FAT3: variants seen among roughly 807,000 people sequenced by gnomAD.
The protein encoded by FAT3 is protocadherin Fat 3.
FAT3 carries 95 observed loss-of-function variants against 310.2 expected under a neutral mutation model. That is an observed-to-expected ratio of 0.31 (90% CI 0.26 to 0.36). FAT3 has a LOEUF of 0.36. FAT3 is among the 10% of genes least tolerant of loss of function. The pLI is 1.00. For synonymous variants in FAT3, 2,314 were observed against 2,192.9 expected, an observed-to-expected ratio of 1.06 and a Z score of -1.54; for missense variants, 5,408 against 5,715.6, an observed-to-expected ratio of 0.95 and a Z score of 1.74.
At chr11:92,782,957 G>A (rs543901263) in intron 7 of FAT3, among the ~76,000 whole-genome samples, 1 of 152,258 alleles carries the variant, frequency 6.6e-6, no homozygotes, top group South Asian at 2.1e-4. Flanking sequence ...AATCACTTTT[G>A]CCAAAGCTGC....
chr11:92,595,912 A>G (rs1290861826), intron 3 of FAT3, among the ~76,000 whole-genome samples: 17 of 152,166 alleles, frequency 1.1e-4, no homozygotes, highest in Admixed American at 1.1e-3. Flanking sequence ...GGTTCCTGGG[A>G]CAGAAAGGGT....
intron 13 of FAT3, among the ~76,000 whole-genome samples, chr11:92,823,932 A>G (rs1438477225): frequency 6.6e-6 from 1 of 152,222 alleles, no homozygotes; most frequent in Admixed American, 6.5e-5. Flanking sequence ...ATCCACAGGC[A>G]TATTTCAAAC....
chr11:92,852,728 T>C (rs1203528869), intron 19 of FAT3, among the ~76,000 whole-genome samples: 2 of 152,202 alleles, frequency 1.3e-5, no homozygotes, highest in Non-Finnish European at 2.9e-5. Context: ...TATATTTGAG[T>C]ATTTTTTTAC....
intron 2 of FAT3, among the ~76,000 whole-genome samples, chr11:92,524,125 A>G (rs574678452): frequency 3.9e-5 from 6 of 152,200 alleles, no homozygotes; most frequent in Non-Finnish European, 8.8e-5. Context: ...TTTCCACTCT[A>G]ACAGGCAAAA....
At chr11:92,636,630 C>G (rs1002482848) in intron 3 of FAT3, among the ~76,000 whole-genome samples, 7 of 152,208 alleles carry the variant, frequency 4.6e-5, no homozygotes, top group Non-Finnish European at 7.3e-5. Context: ...AAAGTAAAGT[C>G]AGCAAGATTC....
chr11:92,666,517 A>ATT (rs538189157), intron 3 of FAT3, among the ~76,000 whole-genome samples: 42 of 132,494 alleles, frequency 3.2e-4, no homozygotes, highest in African/African-American at 1.0e-3. Context: ...ACGCCCAGCT[A>ATT]TTTTTTTTTT....
intron 22 of FAT3, among the ~76,000 whole-genome samples, chr11:92,871,693 G>A (rs1949397853): frequency 6.6e-6 from 1 of 152,090 alleles, no homozygotes; most frequent in Non-Finnish European, 1.5e-5. Context: ...GCACATTTCT[G>A]AACTTTCCTA....
chr11:92,589,581 T>C (rs1423497578), intron 3 of FAT3, among the ~76,000 whole-genome samples: 1 of 152,108 alleles, frequency 6.6e-6, no homozygotes, highest in Admixed American at 6.6e-5. Context: ...TACTTAAGCC[T>C]GAGTTTGTTC....
intron 1 of FAT3, among the ~76,000 whole-genome samples, chr11:92,278,109 C>T (rs934957900): frequency 2.0e-5 from 3 of 152,094 alleles, no homozygotes; most frequent in African/African-American, 7.2e-5. Context: ...TTCTAACCCA[C>T]AGAAATTCCT....
intron 4 of FAT3, among the ~76,000 whole-genome samples, chr11:92,700,245 A>G (rs1242591803): frequency 6.6e-6 from 1 of 152,166 alleles, no homozygotes; most frequent in Non-Finnish European, 1.5e-5. Flanking sequence ...AATCAAGACC[A>G]CTGTGATGAA....
chr11:92,449,151 A>G (rs537558187), intron 2 of FAT3, among the ~76,000 whole-genome samples: 3 of 152,312 alleles, frequency 2.0e-5, no homozygotes, highest in East Asian at 3.9e-4. Context: ...AGCAATGCCA[A>G]TAAAAAAGCA....
chr11:92,695,043 C>T (rs961660122), intron 3 of FAT3, among the ~76,000 whole-genome samples: 3 of 152,146 alleles, frequency 2.0e-5, no homozygotes, highest in Non-Finnish European at 4.4e-5. Context: ...TATTCCTCTC[C>T]TCACTTCCCC....
At chr11:92,801,983 TA>T in intron 10 of FAT3, 74 bp downstream of exon 10, 1 of 1,404,860 alleles carries the variant, frequency 7.1e-7, no homozygotes, top group African/African-American at 1.4e-5. Flanking sequence ...GGGAGAAGAG[TA>T]AGAGAGAAGG....
At chr11:92,615,876 T>C (rs1055594058) in intron 3 of FAT3, among the ~76,000 whole-genome samples, 2 of 152,244 alleles carry the variant, frequency 1.3e-5, no homozygotes, top group African/African-American at 4.8e-5. Flanking sequence ...TTACATTTGC[T>C]GAGGAGTGCT....
At chr11:92,738,534 A>T (rs189804691) in intron 4 of FAT3, among the ~76,000 whole-genome samples, 81 of 152,328 alleles carry the variant, frequency 5.3e-4, no homozygotes, top group African/African-American at 1.8e-3. Flanking sequence ...TCTCTCCCAC[A>T]GTGCTTTTAC....
At chr11:92,254,512 C>A (rs909785616) in intron 1 of FAT3, among the ~76,000 whole-genome samples, 2 of 152,056 alleles carry the variant, frequency 1.3e-5, no homozygotes, top group African/African-American at 4.8e-5. Flanking sequence ...AAAATTAGGA[C>A]ATTTTTATAT....
At position 92,801,400 on chromosome 11, in the gene FAT3, T is replaced by C; in HGVS notation, c.8387T>C (p.Phe2796Ser). The change falls in exon 10 of 28, where the codon TTT (phenylalanine) becomes TCT (serine). Residue 2796 changes from phenylalanine (F) to serine (S), a missense_variant. Physicochemically the swap from Phe to Ser is radical, Grantham distance 155. Around this residue, in one of 5 missense-constraint regions of FAT3, gnomAD observed 4,588 missense variants for 4,809.8 expected, o/e 0.95. Transcript: ENST00000525166. The stretch of plus-strand genomic sequence containing the variant: ...CCCCTGGACAAAGTAGACATTGTGT[T>C]TACTGTGGATGTAGATATCAAGGTA... Reference protein sequence around the residue: ...TIPLDKVDIVFTVDVDIKVLD... With the variant: ...TIPLDKVDIVSTVDVDIKVLD... 8 of 1,613,922 alleles carry C rather than the reference T, an allele frequency of 5.0e-6. No homozygotes were observed. Among genetic ancestry groups the C allele is most frequent in the Non-Finnish European group, 6.8e-6 (8 of 1,179,850 alleles).
intron 1 of FAT3, among the ~76,000 whole-genome samples, chr11:92,337,275 T>A (rs1437180366): frequency 6.6e-6 from 1 of 152,210 alleles, no homozygotes; most frequent in Non-Finnish European, 1.5e-5. Flanking sequence ...TGCCCGAATT[T>A]CTGGTTCAGG....
chr11:92,800,273 T>C lies in FAT3; in HGVS notation c.7260T>C (p.Asp2420=), dbSNP rs1418670340. 6.2e-7 allele frequency: 1 copy of C among 1,613,966 alleles called. No homozygotes were observed. Among genetic ancestry groups the C allele is most frequent in the South Asian group, 1.1e-5 (1 of 91,080 alleles). ...GHFVTCVQAS[D]ADSSDFDRLE... is the part of the protein sequence containing the mutation. ...TTGTAACCTGTGTACAAGCCTCTGA[T>C]GCAGACAGCTCTGATTTTGACCGGT... The change falls in exon 10 of 28, where the codon GAT becomes GAC. Residue 2420 remains aspartate, a synonymous_variant. Coordinates refer to ENST00000525166, the MANE Select transcript of FAT3 (RefSeq NM_001367949.2).
Sources: allele counts gnomAD v4.1 joint callset (sites outside exome capture counted in the v4.1 genomes callset), GRCh38; gene constraint gnomAD v4.1.1; regional missense constraint gnomAD v4.1.1; transcripts MANE v1.5; gene names NCBI Gene and HGNC (gene_info 2026-07-23, HGNC 2026-07-21).